SCLT1: variants seen among roughly 807,000 people sequenced by gnomAD.
SCLT1 encodes the protein sodium channel-associated protein 1.
SCLT1 carries 78 observed loss-of-function variants against 112.8 expected under a neutral mutation model. The ratio of observed to expected loss-of-function variants is 0.69; its 90% CI spans 0.58 to 0.83. The LOEUF is 0.83. Ranked by LOEUF, SCLT1 falls within the 40% of genes least tolerant of loss-of-function variation. SCLT1 has a pLI of 0.00. For missense variants in SCLT1, 747 were observed against 770.4 expected, an observed-to-expected ratio of 0.97 and a Z score of 0.36; for synonymous variants, 257 against 254.7, an observed-to-expected ratio of 1.01 and a Z score of -0.09.
intron 18 of SCLT1, among the ~76,000 whole-genome samples, chr4:128,913,745 C>T (rs1197563103): frequency 6.6e-6 from 1 of 152,088 alleles, no homozygotes; most frequent in Non-Finnish European, 1.5e-5. Flanking sequence ...ACATACAGTG[C>T]CTATTGGCTT....
Position 128,884,364 on chromosome 4 carries a change from G to A in SCLT1, c.*113C>T, listed in dbSNP as rs112021329. 9.7e-5 allele frequency: 62 copies of A among 641,944 alleles called. No homozygotes were observed. Among genetic ancestry groups the A allele is most frequent in the African/African-American group, 6.8e-4 (37 of 54,698 alleles). The allele number at this position is 641,944 out of a possible 1,614,324, so 39.8% of individuals were successfully genotyped here. A position where few individuals can be genotyped will look rare whatever the true frequency, so the allele number is the denominator to read the frequency against. On this transcript the variant is annotated 3_prime_UTR_variant, in exon 21 of 21. Transcript: ENST00000281142. ...CTCAAAACAGAACAACAATGCTTAC[G>A]CGAAATAACACAAGCCTTAACTATT...
At chr4:129,052,620 T>G (rs1285206410) in intron 2 of SCLT1, among the ~76,000 whole-genome samples, 1 of 152,114 alleles carries the variant, frequency 6.6e-6, no homozygotes, top group Non-Finnish European at 1.5e-5. Flanking sequence ...CTTCTCTCTT[T>G]TCTTCTTTAT....
chr4:129,029,157 C>T (rs1169921927), intron 5 of SCLT1, among the ~76,000 whole-genome samples: 1 of 152,090 alleles, frequency 6.6e-6, no homozygotes, highest in Non-Finnish European at 1.5e-5. Context: ...TACCATTTGA[C>T]CCAGCCATTC....
chr4:128,959,656 C>G lies in SCLT1; in HGVS notation c.991G>C (p.Val331Leu). 6.2e-7 allele frequency: 1 copy of G among 1,613,356 alleles called. No homozygotes were observed. The highest frequency in any genetic ancestry group is 8.5e-7 in the Non-Finnish European group (1 of 1,179,542). ...ELENERYEAI[V>L]RARNSMQLLE... ...AGTTGCATGCTATTTCTGGCTCTTA[C>G]AATAGCCTCATATCTCTCATTTTCT... Residue 331 changes from valine to leucine, a missense_variant, in exon 12 of 21, where the codon GTA (valine) becomes CTA (leucine). Transcript: ENST00000281142.
chr4:128,935,589 T>C (rs2125980931), intron 18 of SCLT1, among the ~76,000 whole-genome samples: 1 of 152,176 alleles, frequency 6.6e-6, no homozygotes, highest in South Asian at 2.1e-4. Context: ...GGGGTTGCTG[T>C]AAAGATTAAG....
At chr4:129,057,598 T>G (rs2125724591) in intron 2 of SCLT1, among the ~76,000 whole-genome samples, 1 of 151,052 alleles carries the variant, frequency 6.6e-6, no homozygotes, top group Middle Eastern at 3.4e-3. Context: ...AGACTCATTC[T>G]CATTTCTCAT....
At chr4:128,986,242 T>C (rs1742082461) in intron 9 of SCLT1, among the ~76,000 whole-genome samples, 1 of 151,996 alleles carries the variant, frequency 6.6e-6, no homozygotes, top group African/African-American at 2.4e-5. Context: ...GAACACAACA[T>C]AGGCTAGAAT....
At chr4:128,978,109 C>T (rs1741337739) in intron 9 of SCLT1, among the ~76,000 whole-genome samples, 1 of 152,156 alleles carries the variant, frequency 6.6e-6, no homozygotes, top group Admixed American at 6.5e-5. Context: ...GAGAGACCCT[C>T]TACTCCTTCA....
intron 2 of SCLT1, among the ~76,000 whole-genome samples, chr4:129,068,033 C>G (rs1348176942): frequency 6.6e-6 from 1 of 152,054 alleles, no homozygotes; most frequent in African/African-American, 2.4e-5. Flanking sequence ...ATTGTGTCAT[C>G]CTTATGCTTT....
At chr4:128,942,591 A>G (rs978279850) in intron 17 of SCLT1, among the ~76,000 whole-genome samples, 6 of 152,110 alleles carry the variant, frequency 3.9e-5, no homozygotes, top group Non-Finnish European at 7.4e-5. Context: ...ACTAGTTATG[A>G]ATGGTTCTCA....
intron 2 of SCLT1, among the ~76,000 whole-genome samples, chr4:129,048,160 C>G (rs1031542535): frequency 6.6e-6 from 1 of 151,666 alleles, no homozygotes; most frequent in South Asian, 2.1e-4. Flanking sequence ...TAAAAGGGCC[C>G]GCATCACCAA....
intron 18 of SCLT1, among the ~76,000 whole-genome samples, chr4:128,921,221 A>G (rs145806380): frequency 1.3e-5 from 2 of 152,314 alleles, no homozygotes; most frequent in Non-Finnish European, 2.9e-5. Flanking sequence ...AAATGGTCAT[A>G]TTGCCCAAAG....
chr4:129,044,818 T>C (rs575923941), intron 2 of SCLT1, among the ~76,000 whole-genome samples: 84 of 68,828 alleles, frequency 1.2e-3, no homozygotes, highest in African/African-American at 4.3e-3. Context: ...TTAGCCAAGA[T>C]AATCTCACCA....
At chr4:129,090,901 G>A (rs772225299) in intron 1 of SCLT1, among the ~76,000 whole-genome samples, 7 of 152,218 alleles carry the variant, frequency 4.6e-5, no homozygotes, top group Non-Finnish European at 2.9e-5. Flanking sequence ...GTAATTATCA[G>A]AGGAAATGTC....
intron 5 of SCLT1, among the ~76,000 whole-genome samples, chr4:129,025,334 G>C (rs1745944599): frequency 1.3e-5 from 2 of 152,256 alleles, no homozygotes; most frequent in South Asian, 2.1e-4. Flanking sequence ...AAGCCCATCA[G>C]ACTAACAGCG....
rs1736027167 is a variant in SCLT1 at position 128,923,350 on chromosome 4, C to T, written c.1829+13305G>A. ...ATCCCAGCTACTTGGGAGGCTGTGG[C>T]AGAAGAATCGCTTGAACCCATGAGG... On this transcript the variant is annotated intron_variant, in intron 18 of 20. Transcript: ENST00000281142. Among the ~76,000 whole-genome samples, 2 of 144,350 alleles carry T rather than the reference C, an allele frequency of 1.4e-5. 1 individual carries two copies. The highest frequency in any genetic ancestry group is 4.3e-4 in the South Asian group (2 of 4,688). 94.7% of individuals were successfully genotyped at this position (144,350 alleles called of 152,430 possible).
intron 5 of SCLT1, among the ~76,000 whole-genome samples, chr4:129,019,183 C>T (rs1318007474): frequency 6.6e-6 from 1 of 152,096 alleles, no homozygotes; most frequent in Non-Finnish European, 1.5e-5. Context: ...AATTCAGGTA[C>T]TAATACCAAG....
At chr4:128,888,987 A>G (rs1579286415) in intron 19 of SCLT1, among the ~76,000 whole-genome samples, 1 of 152,348 alleles carries the variant, frequency 6.6e-6, no homozygotes, top group South Asian at 2.1e-4. Flanking sequence ...ACATGCCAGC[A>G]AAGAAAGTGA....
In SCLT1 at chr4:128,891,127, T is replaced by G. The variant is rs1187312716; in HGVS notation, c.1840A>C (p.Ser614Arg). The change falls in exon 19 of 21, where the codon AGT (serine) becomes CGT (arginine). Residue 614 changes from serine to arginine, a missense_variant. Physicochemically the swap from Ser to Arg is moderately radical, Grantham distance 110. This residue lies in a region of SCLT1 where 723 missense variants were observed against 721.3 expected (regional missense o/e 1.00). Transcript: ENST00000281142. ...TCTTGGGTATGAAGTTTCTGTCGAC[T>G]CAGCTCACTCCTATTAAGAGCACCA... The part of the protein sequence containing the change: ...IRINNLKSEL[S>R]RQKLHTQELL... 6.2e-7 allele frequency: 1 copy of G among 1,612,340 alleles called. No individual in the cohort carries two copies. Among genetic ancestry groups the G allele is most frequent in the East Asian group, 2.2e-5 (1 of 44,846 alleles).
Sources: allele counts gnomAD v4.1 joint callset (sites outside exome capture counted in the v4.1 genomes callset), GRCh38; gene constraint gnomAD v4.1.1; regional missense constraint gnomAD v4.1.1; transcripts MANE v1.5; gene names NCBI Gene and HGNC (gene_info 2026-07-23, HGNC 2026-07-21).